Variants in EYS observed in about 807,000 individuals in gnomAD.
EYS encodes the protein protein eyes shut homolog.
Under a neutral mutation model 282.1 loss-of-function variants are expected in EYS, and 250 were observed. The ratio of observed to expected loss-of-function variants is 0.89; its 90% CI spans 0.80 to 0.98. The LOEUF is 0.98. Among genes scored for constraint, EYS ranks in the 50% least tolerant of loss-of-function variants. The pLI is 0.00. For missense variants in EYS, 4,016 were observed against 3,709.0 expected, an observed-to-expected ratio of 1.08 and a Z score of -2.15; for synonymous variants, 1,355 against 1,282.9, an observed-to-expected ratio of 1.06 and a Z score of -1.20.
chr6:65,058,405 C>A (rs773971436), intron 12 of EYS, among the ~76,000 whole-genome samples: 14 of 152,032 alleles, frequency 9.2e-5, no homozygotes, highest in Non-Finnish European at 2.1e-4. Flanking sequence ...CCCACTTTGG[C>A]CTCCCAAAGC....
chr6:65,489,133 TAACTA>T lies in EYS; in HGVS notation c.862+1456_862+1460del, dbSNP rs1765926216. 2.0e-5 allele frequency among the ~76,000 whole-genome samples: 3 copies of T among 152,160 alleles called. No individual in the cohort carries two copies. In the South Asian group the frequency reaches 6.2e-4, roughly 32 times the overall value. ...AAAGCCAAAATTGACAAATGGGATC[TAACTA>T]AACTAAAGAGCTTCCACACAGCAAA... is the stretch of plus-strand genomic sequence containing the variant. On this transcript the variant is annotated intron_variant, in intron 5 of 42. Transcript: ENST00000503581.
chr6:65,377,195 A>G (rs749178027), intron 8 of EYS, among the ~76,000 whole-genome samples: 11 of 152,218 alleles, frequency 7.2e-5, no homozygotes, highest in Non-Finnish European at 1.0e-4. Flanking sequence ...ACCACAGTGT[A>G]ATCAAATTAA....
At chr6:63,835,105 G>T (rs1771767958) in intron 36 of EYS, among the ~76,000 whole-genome samples, 1 of 150,730 alleles carries the variant, frequency 6.6e-6, no homozygotes, top group Non-Finnish European at 1.5e-5. Flanking sequence ...TAATGTAAAT[G>T]ATGAGTTAAT....
At chr6:63,990,712 T>C (rs1582090632) in intron 34 of EYS, among the ~76,000 whole-genome samples, 2 of 151,688 alleles carry the variant, frequency 1.3e-5, no homozygotes, top group South Asian at 2.1e-4. Flanking sequence ...TGTCCAGTGT[T>C]AATGGCTTTT....
intron 12 of EYS, among the ~76,000 whole-genome samples, chr6:65,058,305 C>A (rs1283704328): frequency 6.6e-6 from 1 of 152,010 alleles, no homozygotes; most frequent in Non-Finnish European, 1.5e-5. Flanking sequence ...CACACACCAC[C>A]ATGCCAGGCT....
chr6:65,176,550 A>G (rs1765230443), intron 12 of EYS, among the ~76,000 whole-genome samples: 1 of 151,706 alleles, frequency 6.6e-6, no homozygotes, highest in South Asian at 2.1e-4. Context: ...CTTTCTATAT[A>G]CTTTTCACTT....
At chr6:65,311,227 T>C (rs1769150735) in intron 11 of EYS, among the ~76,000 whole-genome samples, 1 of 152,178 alleles carries the variant, frequency 6.6e-6, no homozygotes, top group Non-Finnish European at 1.5e-5. Context: ...GGTTGGATGG[T>C]AAACAAAGTA....
At chr6:64,907,318 G>A (rs1316576173) in intron 16 of EYS, among the ~76,000 whole-genome samples, 1 of 152,102 alleles carries the variant, frequency 6.6e-6, no homozygotes, top group African/African-American at 2.4e-5. Context: ...CCAAAGTGCT[G>A]TGATTACAAG....
chr6:64,319,323 TA>T (rs1225813667), intron 29 of EYS, among the ~76,000 whole-genome samples: 68 of 152,000 alleles, frequency 4.5e-4, no homozygotes, highest in Non-Finnish European at 9.4e-4. Flanking sequence ...ATCTTACTAA[TA>T]ATTAGGTAAA....
chr6:63,747,396 G>A (rs1769236887), intron 41 of EYS, among the ~76,000 whole-genome samples: 1 of 152,196 alleles, frequency 6.6e-6, no homozygotes, highest in African/African-American at 2.4e-5. Flanking sequence ...TAAATGCGAT[G>A]TGGTGCTGAG....
intron 40 of EYS, chr6:63,777,768 A>C: frequency 4.8e-6 from 2 of 415,800 alleles, no homozygotes; most frequent in South Asian, 7.2e-5. Context: ...GGTGCCTGGA[A>C]TGAGATGTAG....
At chr6:65,433,099 G>T (rs1444354270) in intron 5 of EYS, among the ~76,000 whole-genome samples, 1 of 152,088 alleles carries the variant, frequency 6.6e-6, no homozygotes, top group African/African-American at 2.4e-5. Context: ...CAAGTGGGCA[G>T]TTAGATACAA....
intron 13 of EYS, among the ~76,000 whole-genome samples, chr6:65,011,371 G>T (rs760730231): frequency 6.6e-6 from 1 of 152,124 alleles, no homozygotes; most frequent in African/African-American, 2.4e-5. Context: ...TAACCTCCTT[G>T]TTAAGTTTGT....
At position 63,871,121 on chromosome 6, in the gene EYS, C is replaced by T. The variant is rs900171575; in HGVS notation, c.7056-6763G>A. Reference sequence around the variant, plus strand: ...CCCCAATTCCCAATAACAAGTATTTCTTTCCAATGCTAGAATTTCACTTAA... The same window carrying T: ...CCCCAATTCCCAATAACAAGTATTTTTTTCCAATGCTAGAATTTCACTTAA... On this transcript the variant is annotated intron_variant, in intron 35 of 42. Transcript: ENST00000503581. Among the ~76,000 whole-genome samples the T allele has an allele frequency of 1.3e-5, 2 of 152,132 alleles. 1 individual carries two copies.
At chr6:64,898,890 GC>G (rs764360808) in intron 18 of EYS, among the ~76,000 whole-genome samples, 2 of 151,464 alleles carry the variant, frequency 1.3e-5, no homozygotes, top group Non-Finnish European at 1.5e-5. Context: ...AGGGATCAAG[GC>G]AACAAGAAGA....
At chr6:65,404,056 A>T (rs961909373) in intron 6 of EYS, among the ~76,000 whole-genome samples, 1 of 152,080 alleles carries the variant, frequency 6.6e-6, no homozygotes, top group Admixed American at 6.6e-5. Context: ...TCAGAAGGCT[A>T]AAACCAAGAT....
chr6:64,590,156 C>A, intron 26 of EYS, 67 bp downstream of exon 26: 1 of 1,355,050 alleles, frequency 7.4e-7, no homozygotes, highest in Non-Finnish European at 9.9e-7. Flanking sequence ...CCATGACAGG[C>A]TCTTTCTTCT....
intron 19 of EYS, among the ~76,000 whole-genome samples, chr6:64,836,913 T>C (rs544166004): frequency 2.6e-5 from 4 of 151,662 alleles, no homozygotes; most frequent in Non-Finnish European, 5.9e-5. Flanking sequence ...TATATAAATG[T>C]ATAAACTAGA....
intron 8 of EYS, among the ~76,000 whole-genome samples, chr6:65,381,149 A>G (rs979732694): frequency 1.3e-5 from 2 of 152,172 alleles, no homozygotes; most frequent in East Asian, 1.9e-4. Context: ...TCATTCTACT[A>G]TAAAGAAGCA....
Sources: allele counts gnomAD v4.1 joint callset (sites outside exome capture counted in the v4.1 genomes callset), GRCh38; gene constraint gnomAD v4.1.1; transcripts MANE v1.5; gene names NCBI Gene and HGNC (gene_info 2026-07-23, HGNC 2026-07-21).